Variants in CHRM5 observed in about 807,000 individuals in gnomAD.
The protein encoded by CHRM5 is cholinergic receptor muscarinic 5, also known as muscarinic acetylcholine receptor M5.
Under a neutral mutation model 39.0 loss-of-function variants are expected in CHRM5, and 18 were observed. That is an observed-to-expected ratio of 0.46 (90% CI 0.32 to 0.68). The LOEUF is 0.68. Among genes scored for constraint, CHRM5 ranks in the 30% least tolerant of loss-of-function variants. The pLI is 0.04. For synonymous variants in CHRM5, 241 were observed against 246.3 expected (o/e 0.98, Z 0.20); for missense variants, 515 against 651.1 (o/e 0.79, Z 2.28).
chr15:34,058,813 T>C (rs937840510), intron 2 of CHRM5, among the ~76,000 whole-genome samples: 1 of 152,250 alleles, frequency 6.6e-6, no homozygotes, highest in Non-Finnish European at 1.5e-5. Context: ...TACAATTGTT[T>C]TAATTTTGTT....
intron 1 of CHRM5, among the ~76,000 whole-genome samples, chr15:34,027,880 A>C (rs1898568947): frequency 6.6e-6 from 1 of 152,082 alleles, no homozygotes; most frequent in Non-Finnish European, 1.5e-5. Context: ...GAGGAACAAG[A>C]TGTTCAAGAG....
chr15:33,989,885 G>A (rs1463039033), intron 1 of CHRM5, among the ~76,000 whole-genome samples: 3 of 150,060 alleles, frequency 2.0e-5, no homozygotes, highest in Non-Finnish European at 4.4e-5. Context: ...CAATTGAGAC[G>A]GATACACTAG....
At chr15:33,976,154 A>G (rs1054374006) in intron 1 of CHRM5, among the ~76,000 whole-genome samples, 4 of 152,186 alleles carry the variant, frequency 2.6e-5, no homozygotes, top group Non-Finnish European at 1.5e-5. Flanking sequence ...GGATAAAATC[A>G]ACTTTTAAAA....
chr15:34,040,922 A>G (rs925276047), intron 1 of CHRM5, among the ~76,000 whole-genome samples: 9 of 151,898 alleles, frequency 5.9e-5, no homozygotes, highest in African/African-American at 2.2e-4. Context: ...AGATTTCAAC[A>G]TGAATTTTGA....
chr15:34,064,407 A>G lies in CHRM5; in HGVS notation c.*91A>G. ...GATTCTGGTTTGTATATTTTCAAAA[A>G]GAAGACATCTCATTTTGAGTCCTTG... On this transcript the variant is annotated 3_prime_UTR_variant, in exon 3 of 3. Coordinates refer to ENST00000383263, the MANE Select transcript of CHRM5 (RefSeq NM_012125.4). The G allele has an allele frequency of 7.1e-7, 1 of 1,407,078 alleles. No individual in the cohort carries two copies. Among genetic ancestry groups the G allele is most frequent in the Non-Finnish European group, 9.4e-7 (1 of 1,058,316 alleles). 87.2% of individuals were successfully genotyped at this position (1,407,078 alleles called of 1,614,324 possible).
intron 1 of CHRM5, chr15:34,018,297 G>A (rs974241150): frequency 2.6e-5 from 4 of 152,180 alleles, no homozygotes; most frequent in Admixed American, 6.5e-5. Context: ...GTGGGTTCTC[G>A]GTCTCACTAA....
chr15:34,045,604 A>G (rs965173772), intron 1 of CHRM5, among the ~76,000 whole-genome samples: 5 of 152,172 alleles, frequency 3.3e-5, no homozygotes, highest in Non-Finnish European at 7.4e-5. Flanking sequence ...TGATGTCCCA[A>G]TATCACTGGG....
At chr15:33,977,983 GAAAGGAAGA>G (rs1448322775) in intron 1 of CHRM5, among the ~76,000 whole-genome samples, 1 of 113,648 alleles carries the variant, frequency 8.8e-6, no homozygotes, top group Non-Finnish European at 1.7e-5. Flanking sequence ...AAAGGAAAAA[GAAAGGAAGA>G]AAAGGAAGAG....
At chr15:33,994,545 C>T (rs191511712) in intron 1 of CHRM5, among the ~76,000 whole-genome samples, 2 of 152,334 alleles carry the variant, frequency 1.3e-5, no homozygotes, top group Admixed American at 1.3e-4. Flanking sequence ...TTCCACAAAA[C>T]CGGTCCCTGG....
At chr15:34,017,254 C>T (rs950323518) in intron 1 of CHRM5, among the ~76,000 whole-genome samples, 6 of 152,062 alleles carry the variant, frequency 3.9e-5, no homozygotes, top group Non-Finnish European at 7.4e-5. Flanking sequence ...ACTGAGCTCT[C>T]ATACAAAATG....
chr15:34,010,382 C>T (rs909975461), intron 1 of CHRM5, among the ~76,000 whole-genome samples: 1 of 152,028 alleles, frequency 6.6e-6, no homozygotes, highest in Non-Finnish European at 1.5e-5. Flanking sequence ...TCTCTATCAC[C>T]AAGAGCCTTC....
intron 1 of CHRM5, among the ~76,000 whole-genome samples, chr15:34,046,269 C>T (rs1433473763): frequency 6.8e-6 from 1 of 146,868 alleles, no homozygotes; most frequent in African/African-American, 2.5e-5. Context: ...CCTTATGTTC[C>T]AAATCTTTTT....
chr15:34,021,290 CTTT>C (rs911480926), intron 1 of CHRM5, among the ~76,000 whole-genome samples: 1 of 145,666 alleles, frequency 6.9e-6, no homozygotes, highest in Non-Finnish European at 1.5e-5. Flanking sequence ...TTTTCTGTAT[CTTT>C]TTTTTTTTTG....
intron 1 of CHRM5, among the ~76,000 whole-genome samples, chr15:34,016,892 G>A (rs1224758212): frequency 6.6e-6 from 1 of 152,152 alleles, no homozygotes; most frequent in African/African-American, 2.4e-5. Context: ...ACTTTGGGAG[G>A]CCAAGGTGGG....
intron 2 of CHRM5, among the ~76,000 whole-genome samples, chr15:34,053,611 G>T (rs1160059544): frequency 6.6e-6 from 1 of 151,946 alleles, no homozygotes; most frequent in African/African-American, 2.4e-5. Flanking sequence ...GGTGCTGAGA[G>T]AACTGGCTAG....
chr15:33,991,265 T>C (rs1435685800), intron 1 of CHRM5: 1 of 152,144 alleles, frequency 6.6e-6, no homozygotes, highest in Non-Finnish European at 1.5e-5. Flanking sequence ...ATACAGACCT[T>C]CTAACACTTT....
intron 1 of CHRM5, among the ~76,000 whole-genome samples, chr15:34,026,572 A>C (rs1400758175): frequency 6.6e-6 from 1 of 152,138 alleles, no homozygotes; most frequent in Non-Finnish European, 1.5e-5. Flanking sequence ...TAAAAAATAT[A>C]AACTATAAAT....
intron 1 of CHRM5, among the ~76,000 whole-genome samples, chr15:33,997,508 A>G (rs576099859): frequency 7.2e-5 from 11 of 152,272 alleles, no homozygotes; most frequent in African/African-American, 2.2e-4. Context: ...ATATAAGACT[A>G]TATCATTACC....
intron 1 of CHRM5, among the ~76,000 whole-genome samples, chr15:33,983,638 G>A (rs138243340): frequency 1.1e-4 from 16 of 152,156 alleles, no homozygotes; most frequent in African/African-American, 3.6e-4. Context: ...TTTAACACAT[G>A]CCCAGAAATT....
Sources: gnomAD v4.1 joint callset for allele counts (sites outside exome capture counted in the v4.1 genomes callset) on GRCh38, gnomAD v4.1.1 for gene constraint, MANE v1.5 for transcripts, NCBI Gene and HGNC (gene_info 2026-07-23, HGNC 2026-07-21) for gene names.